GRIK2: variants seen among roughly 807,000 people sequenced by gnomAD.
The protein encoded by GRIK2 is glutamate receptor ionotropic, kainate 2.
A neutral mutation model predicts 100.3 loss-of-function variants in GRIK2; 32 were observed. The ratio of observed to expected loss-of-function variants is 0.32; its 90% CI spans 0.24 to 0.43. The LOEUF (loss-of-function observed/expected upper bound fraction) is 0.43. GRIK2 is among the 20% of genes least tolerant of loss of function. The pLI, the probability that GRIK2 is intolerant of heterozygous loss-of-function variation, is 1.00. For synonymous variants in GRIK2, 417 were observed against 389.4 expected, an observed-to-expected ratio of 1.07 and a Z score of -0.83; for missense variants, 843 against 1,114.9, an observed-to-expected ratio of 0.76 and a Z score of 3.47.
intron 8 of GRIK2, among the ~76,000 whole-genome samples, chr6:101,800,709 T>A (rs1437129772): frequency 1.3e-5 from 2 of 152,086 alleles, no homozygotes; most frequent in Non-Finnish European, 2.9e-5. Flanking sequence ...TTTCGAAGAA[T>A]ATGCAGTTTA....
intron 7 of GRIK2, among the ~76,000 whole-genome samples, chr6:101,714,907 AATG>A (rs945892328): frequency 6.6e-6 from 1 of 151,766 alleles, no homozygotes; most frequent in African/African-American, 2.4e-5. Context: ...TTCCAGTTTA[AATG>A]ATAATTATAA....
intron 12 of GRIK2, among the ~76,000 whole-genome samples, chr6:101,899,102 GT>G (rs1171630693): frequency 0.055 from 7,198 of 130,094 alleles, 365 homozygotes; most frequent in African/African-American, 0.14. Context: ...TGTTGTTTTT[GT>G]TTTTTTTTTT....
intron 14 of GRIK2, among the ~76,000 whole-genome samples, chr6:101,988,130 TGTGCGCGCGCGCGCGC>T (rs1410455213): frequency 1.4e-4 from 3 of 20,706 alleles, no homozygotes; most frequent in African/African-American, 2.6e-4. Context: ...TGTGTGTGTG[TGTGCGCGCGCGCGCGC>T]GCGCGCGCGT....
intron 4 of GRIK2, among the ~76,000 whole-genome samples, chr6:101,627,442 T>G (rs1019458714): frequency 3.3e-5 from 5 of 152,152 alleles, no homozygotes; most frequent in African/African-American, 1.2e-4. Context: ...GGACCCATTC[T>G]GAAATATTTA....
At chr6:101,748,046 A>C (rs1776535523) in intron 7 of GRIK2, among the ~76,000 whole-genome samples, 1 of 152,194 alleles carries the variant, frequency 6.6e-6, no homozygotes, top group African/African-American at 2.4e-5. Context: ...TTCATATTTT[A>C]GGTAAAAATA....
chr6:101,934,180 G>T (rs1403010618), intron 14 of GRIK2, among the ~76,000 whole-genome samples: 2 of 151,754 alleles, frequency 1.3e-5, no homozygotes, highest in Admixed American at 1.3e-4. Flanking sequence ...AATTATAACG[G>T]CTATAACCAA....
chr6:101,612,133 A>G (rs1486930334), intron 2 of GRIK2, among the ~76,000 whole-genome samples: 2 of 151,842 alleles, frequency 1.3e-5, no homozygotes, highest in Admixed American at 6.6e-5. Context: ...ATCACTTGCC[A>G]ACTGTGTAAC....
intron 11 of GRIK2, among the ~76,000 whole-genome samples, chr6:101,863,953 A>G (rs558068008): frequency 6.6e-6 from 1 of 151,422 alleles, no homozygotes; most frequent in East Asian, 1.9e-4. Context: ...CTGGCTAACA[A>G]GGTGAAACCC....
chr6:101,772,109 C>T (rs1424816315), intron 7 of GRIK2, among the ~76,000 whole-genome samples: 1 of 152,138 alleles, frequency 6.6e-6, no homozygotes. Flanking sequence ...TCCTCTTCTC[C>T]CACTTCCTCT....
At chr6:102,027,628 C>T (rs1022233735) in intron 14 of GRIK2, among the ~76,000 whole-genome samples, 6 of 151,114 alleles carry the variant, frequency 4.0e-5, no homozygotes, top group African/African-American at 1.4e-4. Context: ...CATGGAGAAA[C>T]CTTTCCTGTA....
chr6:101,776,836 A>G (rs960686088), intron 7 of GRIK2, among the ~76,000 whole-genome samples: 1 of 152,156 alleles, frequency 6.6e-6, no homozygotes, highest in Admixed American at 6.5e-5. Flanking sequence ...CTCCTTTGCC[A>G]TCTAGAACCT....
chr6:101,981,046 A>T (rs182936505), intron 14 of GRIK2, among the ~76,000 whole-genome samples: 3 of 151,784 alleles, frequency 2.0e-5, no homozygotes, highest in African/African-American at 7.2e-5. Context: ...TATGTGAAAC[A>T]GTGATCCAAG....
intron 14 of GRIK2, among the ~76,000 whole-genome samples, chr6:102,034,107 T>C (rs1456125251): frequency 1.3e-5 from 2 of 151,328 alleles, no homozygotes; most frequent in Admixed American, 6.6e-5. Context: ...GAGGCAGGCA[T>C]GTTCAGTGTT....
At chr6:101,577,577 T>C (rs1220891981) in intron 2 of GRIK2, among the ~76,000 whole-genome samples, 1 of 152,038 alleles carries the variant, frequency 6.6e-6, no homozygotes, top group Non-Finnish European at 1.5e-5. Flanking sequence ...TTTACAAAAA[T>C]AGTCAATAAA....
intron 4 of GRIK2, among the ~76,000 whole-genome samples, chr6:101,669,191 G>A (rs1454544766): frequency 6.6e-6 from 1 of 152,004 alleles, no homozygotes; most frequent in Non-Finnish European, 1.5e-5. Context: ...GGAAGAAGGG[G>A]ACACTTTAAT....
intron 2 of GRIK2, among the ~76,000 whole-genome samples, chr6:101,512,372 G>T (rs951575714): frequency 2.0e-5 from 3 of 151,982 alleles, no homozygotes; most frequent in African/African-American, 7.2e-5. Context: ...TAGAAGATCT[G>T]ATTCTATAGT....
At chr6:101,843,765 T>A (rs1460626654) in intron 10 of GRIK2, among the ~76,000 whole-genome samples, 2 of 152,192 alleles carry the variant, frequency 1.3e-5, no homozygotes, top group Admixed American at 1.3e-4. Flanking sequence ...TTTCTGGGGG[T>A]AAGGCCCAGA....
intron 11 of GRIK2, among the ~76,000 whole-genome samples, chr6:101,877,217 G>A (rs909067445): frequency 6.6e-5 from 10 of 151,874 alleles, no homozygotes; most frequent in African/African-American, 1.9e-4. Context: ...GCATATAGAT[G>A]TTTATGAATA....
chr6:101,552,591 C>T (rs573271475), intron 2 of GRIK2, among the ~76,000 whole-genome samples: 1 of 152,234 alleles, frequency 6.6e-6, no homozygotes, highest in African/African-American at 2.4e-5. Flanking sequence ...TCCTTCATGG[C>T]ATTATATATG....
Sources: gnomAD v4.1 joint callset for allele counts (sites outside exome capture counted in the v4.1 genomes callset) on GRCh38, gnomAD v4.1.1 for gene constraint, MANE v1.5 for transcripts, NCBI Gene and HGNC (gene_info 2026-07-23, HGNC 2026-07-21) for gene names.